Variants in ZBTB25 observed in about 807,000 individuals in gnomAD.
ZBTB25 encodes zinc finger and BTB domain-containing protein 25.
In ZBTB25, 20 loss-of-function variants were observed where a neutral mutation model predicts 34.2. That is an observed-to-expected ratio of 0.58 (90% CI 0.41 to 0.85). The LOEUF (loss-of-function observed/expected upper bound fraction) is 0.85. Ranked by LOEUF, ZBTB25 falls within the 40% of genes least tolerant of loss-of-function variation. ZBTB25 has a pLI of 0.00. For missense variants in ZBTB25, 437 were observed against 521.8 expected, an observed-to-expected ratio of 0.84 and a Z score of 1.58; for synonymous variants, 175 against 186.4, an observed-to-expected ratio of 0.94 and a Z score of 0.50.
At position 64,480,433 on chromosome 14, in the gene ZBTB25, C is replaced by A; in HGVS notation, c.*6490G>T. 1 of 354,262 alleles carries A rather than the reference C, an allele frequency of 2.8e-6. No individual in the cohort carries two copies. The highest frequency in any genetic ancestry group is 5.4e-6 in the Non-Finnish European group (1 of 184,350). The allele number at this position is 354,262 out of a possible 1,614,324, so 21.9% of individuals were successfully genotyped here. A position where few individuals can be genotyped will look rare whatever the true frequency, so the allele number is the denominator to read the frequency against. ...GCAGTTGGAAAGCATTTGATTAGGA[C>A]GTCAATTTTCGATTAACACAGATTA... On this transcript the variant is annotated 3_prime_UTR_variant, in exon 3 of 3. Coordinates refer to ENST00000608382, the MANE Select transcript of ZBTB25 (RefSeq NM_006977.5).
At position 64,487,744 on chromosome 14, in the gene ZBTB25, C is replaced by T; in HGVS notation, c.487G>A (p.Gly163Ser). ...GACAACTGCAACTGGGGGTGGTCAC[C>T]CTGGACAGCAGCTCTGTTTCCACTG... ...SNSGNRAAVQ[G>S]DHPQLQLSLA... Residue 163 changes from glycine (G) to serine (S), a missense_variant, in exon 3 of 3, where the codon GGT (glycine) becomes AGT (serine). By Grantham distance (56) the Gly-to-Ser change is moderately conservative (BLOSUM62 0). Coordinates refer to ENST00000608382, the MANE Select transcript of ZBTB25 (RefSeq NM_006977.5). 6.2e-7 allele frequency: 1 copy of T among 1,614,064 alleles called. No individual in the cohort carries two copies. The highest frequency in any genetic ancestry group is 1.1e-5 in the South Asian group (1 of 91,074).
chr14:64,502,561 C>T lies in ZBTB25; in HGVS notation c.-8+1100G>A, dbSNP rs1056208939. ...TTTAGTTCCAAAAATACACCATAGG[C>T]GGCCTACCTCACCTAGAAATACCAT... On this transcript the variant is annotated intron_variant, in intron 1 of 2. Transcript: ENST00000608382. 2.1e-4 allele frequency: 182 copies of T among 874,804 alleles called. 1 individual carries two copies. Among genetic ancestry groups the T allele is most frequent in the Non-Finnish European group, 2.4e-4 (178 of 729,008 alleles). The allele number at this position is 874,804 out of a possible 1,614,324, so 54.2% of individuals were successfully genotyped here.
At chr14:64,473,915 A>G (rs2141007764), downstream of ZBTB25, 1 of 166,860 alleles carries the variant, frequency 6.0e-6, no homozygotes, top group South Asian at 2.1e-4. Flanking sequence ...TTTTGAAAAG[A>G]AAATTTGTAA....
At position 64,485,754 on chromosome 14, in the gene ZBTB25, C is replaced by T. The variant is rs551992065; in HGVS notation, c.*1169G>A. The T allele has an allele frequency of 3.6e-4, 357 of 985,342 alleles. 1 individual carries two copies. The highest frequency in any genetic ancestry group is 1.0e-3 in the East Asian group (9 of 8,820). 61.0% of individuals were successfully genotyped at this position (985,342 alleles called of 1,614,324 possible). ...ACCCAGGAAGCCCCAAAAATCCTGACGCTGAGGGTAGAAACATGATTTATA... is the reference window on the plus strand; with the variant it reads ...ACCCAGGAAGCCCCAAAAATCCTGATGCTGAGGGTAGAAACATGATTTATA... On this transcript the variant is annotated 3_prime_UTR_variant, in exon 3 of 3. Transcript: ENST00000608382.
intron 1 of ZBTB25, among the ~76,000 whole-genome samples, chr14:64,498,508 G>A (rs954677369): frequency 6.6e-6 from 1 of 152,010 alleles, no homozygotes; most frequent in Admixed American, 6.5e-5. Flanking sequence ...ATGGGGTTTC[G>A]CCACGTTGGC....
upstream of ZBTB25, chr14:64,504,166 G>A (rs142933020): frequency 0.018 from 2,719 of 152,554 alleles, 41 homozygotes; most frequent in Middle Eastern, 0.034. Flanking sequence ...AGGCCGAGCC[G>A]CGGGAGCCTG....
chr14:64,453,639 T>C, intron 2 of ZBTB25: 1 of 712,120 alleles, frequency 1.4e-6, no homozygotes, highest in Non-Finnish European at 2.6e-6. Flanking sequence ...TATATGTATA[T>C]AAAAACCATC....
chr14:64,492,619 C>G (rs2079123931), intron 1 of ZBTB25, among the ~76,000 whole-genome samples: 1 of 149,482 alleles, frequency 6.7e-6, no homozygotes, highest in Non-Finnish European at 1.5e-5. Flanking sequence ...AAAAACAAAA[C>G]CAAACCCTCG....
intron 2 of ZBTB25, chr14:64,467,877 A>G (rs1030826264): frequency 3.9e-5 from 6 of 152,298 alleles, no homozygotes; most frequent in African/African-American, 1.4e-4. Flanking sequence ...AGACAACACA[A>G]CTAAAGAACT....
At chr14:64,497,889 T>C (rs1596652216) in intron 1 of ZBTB25, among the ~76,000 whole-genome samples, 1 of 152,228 alleles carries the variant, frequency 6.6e-6, no homozygotes, top group African/African-American at 2.4e-5. Flanking sequence ...GACGACTGTT[T>C]CTGTAGGAAA....
exon 3 of ZBTB25, chr14:64,449,167 CA>C: frequency 4.2e-6 from 2 of 476,048 alleles, no homozygotes; most frequent in Non-Finnish European, 3.9e-6. Flanking sequence ...AAGTATTTTA[CA>C]TGGATTTACC....
Position 64,486,645 on chromosome 14 carries a change from ATAAC to A in ZBTB25, c.*274_*277del, listed in dbSNP as rs1413588241. 3 of 1,018,400 alleles carry A rather than the reference ATAAC, an allele frequency of 2.9e-6. No homozygotes were observed. In the East Asian group the frequency reaches 1.7e-4, roughly 57 times the overall value. 63.1% of individuals were successfully genotyped at this position (1,018,400 alleles called of 1,614,324 possible). A position where few individuals can be genotyped will look rare whatever the true frequency, so the allele number is the denominator to read the frequency against. On this transcript the variant is annotated 3_prime_UTR_variant, in exon 3 of 3. Transcript: ENST00000608382. ...ACTGGAAAAACTTAGAATTCTATAA[ATAAC>A]TATTTAAGGTTTCCATATTTCTACA...
chr14:64,451,739 C>T (rs2078375885), intron 2 of ZBTB25, among the ~76,000 whole-genome samples: 1 of 152,198 alleles, frequency 6.6e-6, no homozygotes, highest in Admixed American at 6.5e-5. Context: ...AGGAGGCTGC[C>T]ACTTTTTGTC....
Position 64,486,366 on chromosome 14 carries a change from G to A in ZBTB25, c.*557C>T. Reference sequence around the variant, plus strand: ...AGAAGCCATGTAGGTAAGATGTTGTGGAGCTAGTAGTTAAAAAATAAAACT... The same window carrying A: ...AGAAGCCATGTAGGTAAGATGTTGTAGAGCTAGTAGTTAAAAAATAAAACT... On this transcript the variant is annotated 3_prime_UTR_variant, in exon 3 of 3. Transcript: ENST00000608382. The A allele has an allele frequency of 3.0e-6, 3 of 985,220 alleles. No homozygotes were observed. Among genetic ancestry groups the A allele is most frequent in the South Asian group, 4.7e-5 (1 of 21,284 alleles). 61.0% of individuals were successfully genotyped at this position (985,220 alleles called of 1,614,324 possible). A position where few individuals can be genotyped will look rare whatever the true frequency, so the allele number is the denominator to read the frequency against.
exon 3 of ZBTB25, chr14:64,449,411 T>C (rs2140982287): frequency 6.2e-7 from 1 of 1,609,702 alleles, no homozygotes; most frequent in South Asian, 1.1e-5. Context: ...TCCAGCCATT[T>C]TCCATGCTTT....
intron 1 of ZBTB25, among the ~76,000 whole-genome samples, chr14:64,500,260 C>T (rs1470725950): frequency 1.3e-5 from 2 of 152,030 alleles, no homozygotes; most frequent in Non-Finnish European, 2.9e-5. Context: ...TAAACCAATA[C>T]TTCTTTCGCA....
chr14:64,462,734 T>C (rs1255479449), intron 2 of ZBTB25: 3 of 152,194 alleles, frequency 2.0e-5, no homozygotes, highest in Non-Finnish European at 4.4e-5. Flanking sequence ...AGTATTACTA[T>C]TGAGTTTGTG....
At chr14:64,459,689 G>T in intron 2 of ZBTB25, 4 of 1,334,618 alleles carry the variant, frequency 3.0e-6, no homozygotes, top group Non-Finnish European at 4.1e-6. Context: ...TAATGGTGCA[G>T]TATGGAAGGA....
chr14:64,464,839 A>G (rs867533636), intron 2 of ZBTB25, among the ~76,000 whole-genome samples: 1 of 151,838 alleles, frequency 6.6e-6, no homozygotes, highest in African/African-American at 2.4e-5. Context: ...TGCCTTTCTC[A>G]CCTTGTCCGC....
Sources: gnomAD v4.1 joint callset for allele counts (sites outside exome capture counted in the v4.1 genomes callset) on GRCh38, gnomAD v4.1.1 for gene constraint, MANE v1.5 for transcripts, NCBI Gene and HGNC (gene_info 2026-07-23, HGNC 2026-07-21) for gene names.